The following XYLT1 variants were observed in gnomAD, a reference collection of about 807,000 sequenced individuals.
The protein encoded by XYLT1 is xylosyltransferase 1, also known as beta-D-xylosyltransferase 1.
Under a neutral mutation model 91.3 loss-of-function variants are expected in XYLT1, and 36 were observed. The observed-to-expected ratio is 0.39, with a 90% CI of 0.30 to 0.52. The LOEUF (loss-of-function observed/expected upper bound fraction) is 0.52. Ranked by LOEUF, XYLT1 falls within the 20% of genes least tolerant of loss-of-function variation. The pLI, the probability that XYLT1 is intolerant of heterozygous loss-of-function variation, is 0.68. For missense variants in XYLT1, 1,242 were observed against 1,284.5 expected (o/e 0.97, Z 0.51); for synonymous variants, 588 against 532.0 (o/e 1.11, Z -1.45).
At chr16:17,353,597 CTG>C (rs1253006848) in intron 2 of XYLT1, among the ~76,000 whole-genome samples, 2 of 152,206 alleles carry the variant, frequency 1.3e-5, no homozygotes, top group African/African-American at 4.8e-5. Flanking sequence ...CTCTGACAAA[CTG>C]TCAAAGATAA....
intron 2 of XYLT1, among the ~76,000 whole-genome samples, chr16:17,332,755 T>C (rs1307590528): frequency 6.6e-6 from 1 of 152,098 alleles, no homozygotes; most frequent in Non-Finnish European, 1.5e-5. Context: ...ACTCTGGCCT[T>C]CAGATAACTA....
rs1279570396 is a variant in XYLT1 at position 17,259,397 on chromosome 16, G to A, written c.504C>T (p.Phe168=). 8 of 1,614,154 alleles carry A rather than the reference G, an allele frequency of 5.0e-6. No homozygotes were observed. The highest frequency in any genetic ancestry group is 2.2e-5 in the East Asian group (1 of 44,882). Residue 168 remains phenylalanine (F), a synonymous_variant, in exon 3 of 12, where the codon TTC becomes TTT. Coordinates refer to ENST00000261381, the MANE Select transcript of XYLT1 (RefSeq NM_022166.4). ...GCTTCTGCTTTTGAGTCCTGGGTGC[G>A]AAGTTGCTGTTGTCGACATTCTCAA... ...KDFENVDNSN[F]APRTQKQKHQ... is the part of the protein sequence containing the mutation.
intron 4 of XYLT1, 99 bp from the exon 5 acceptor site, chr16:17,198,513 T>G: frequency 7.9e-7 from 1 of 1,261,074 alleles, no homozygotes; most frequent in Non-Finnish European, 1.1e-6. Context: ...CCCTCCTGGT[T>G]GGGCACTTCT....
At chr16:17,343,635 TTA>T (rs756545610) in intron 2 of XYLT1, among the ~76,000 whole-genome samples, 1 of 152,014 alleles carries the variant, frequency 6.6e-6, no homozygotes, top group South Asian at 2.1e-4. Flanking sequence ...TACACGCAGA[TTA>T]TGTTTTATTT....
chr16:17,115,761 C>T (rs1294729014), intron 11 of XYLT1, among the ~76,000 whole-genome samples: 7 of 116,196 alleles, frequency 6.0e-5, no homozygotes, highest in African/African-American at 2.3e-4. Context: ...GCTGGGATTA[C>T]ACGTGTAAAC....
intron 1 of XYLT1, among the ~76,000 whole-genome samples, chr16:17,386,896 T>G (rs1002773924): frequency 6.6e-6 from 1 of 152,194 alleles, no homozygotes; most frequent in African/African-American, 2.4e-5. Context: ...GACTCACCCA[T>G]GTCAAAAGAT....
At chr16:17,265,015 C>T (rs923794119) in intron 2 of XYLT1, among the ~76,000 whole-genome samples, 1 of 152,116 alleles carries the variant, frequency 6.6e-6, no homozygotes, top group East Asian at 1.9e-4. Flanking sequence ...TGTGAAACCC[C>T]GTCTCTACTA....
intron 2 of XYLT1, among the ~76,000 whole-genome samples, chr16:17,270,160 G>C (rs1474719094): frequency 1.3e-5 from 2 of 152,230 alleles, no homozygotes; most frequent in African/African-American, 4.8e-5. Context: ...AATCCAAGTT[G>C]AGTTCAGTTC....
chr16:17,272,806 A>T (rs1158991758), intron 2 of XYLT1, among the ~76,000 whole-genome samples: 2 of 152,210 alleles, frequency 1.3e-5, no homozygotes, highest in East Asian at 3.9e-4. Context: ...CACCAATGAC[A>T]CAGGCTCTTC....
chr16:17,317,126 G>A (rs2034647818), intron 2 of XYLT1, among the ~76,000 whole-genome samples: 2 of 151,492 alleles, frequency 1.3e-5, no homozygotes, highest in South Asian at 2.1e-4. Flanking sequence ...CCGGCCCCCA[G>A]GCAGATTTTA....
intron 1 of XYLT1, among the ~76,000 whole-genome samples, chr16:17,452,315 T>C (rs1302885699): frequency 6.9e-6 from 1 of 145,742 alleles, no homozygotes; most frequent in African/African-American, 2.7e-5. Flanking sequence ...CTTTTTTTTT[T>C]TTTTTTTGTT....
chr16:17,288,377 A>G (rs1286321417), intron 2 of XYLT1, among the ~76,000 whole-genome samples: 14 of 151,934 alleles, frequency 9.2e-5, no homozygotes, highest in Admixed American at 7.9e-4. Context: ...AGTTTCACTC[A>G]TGGCAAGAGT....
At chr16:17,149,312 C>T (rs1414040223) in intron 6 of XYLT1, among the ~76,000 whole-genome samples, 1 of 152,102 alleles carries the variant, frequency 6.6e-6, no homozygotes, top group African/African-American at 2.4e-5. Flanking sequence ...AATAACTCTG[C>T]TCTTCAAGTT....
chr16:17,469,704 C>A (rs534403102), intron 1 of XYLT1, among the ~76,000 whole-genome samples: 1 of 152,254 alleles, frequency 6.6e-6, no homozygotes, highest in African/African-American at 2.4e-5. Flanking sequence ...GTGACCTGAA[C>A]CGGCCGCAAC....
At chr16:17,184,978 G>T (rs2032152488) in intron 5 of XYLT1, among the ~76,000 whole-genome samples, 2 of 152,218 alleles carry the variant, frequency 1.3e-5, no homozygotes, top group South Asian at 2.1e-4. Context: ...TTCAATTCTT[G>T]TCTTCCACCA....
At chr16:17,185,064 G>A (rs1277247481) in intron 5 of XYLT1, among the ~76,000 whole-genome samples, 1 of 152,120 alleles carries the variant, frequency 6.6e-6, no homozygotes, top group African/African-American at 2.4e-5. Context: ...TGAGATCTCC[G>A]AGAACTCTAG....
intron 11 of XYLT1, among the ~76,000 whole-genome samples, chr16:17,110,046 A>G (rs1376144745): frequency 1.3e-5 from 2 of 152,170 alleles, no homozygotes; most frequent in East Asian, 3.9e-4. Context: ...ACTTCATACA[A>G]GAGCCCAGGT....
chr16:17,157,194 T>C (rs9921201), intron 6 of XYLT1, among the ~76,000 whole-genome samples: 139,198 of 152,212 alleles, frequency 0.91, 63,738 homozygotes, highest in East Asian at 0.97. Flanking sequence ...GTGATCCGCC[T>C]GCCTCACCCT....
intron 8 of XYLT1, chr16:17,137,496 T>C (rs2030782235): frequency 6.6e-6 from 1 of 152,318 alleles, no homozygotes; most frequent in African/African-American, 2.4e-5. Flanking sequence ...GGCACTCATA[T>C]TTGTGCTCTC....
Sources: gnomAD v4.1 joint callset for allele counts (sites outside exome capture counted in the v4.1 genomes callset) on GRCh38, gnomAD v4.1.1 for gene constraint, MANE v1.5 for transcripts, NCBI Gene and HGNC (gene_info 2026-07-23, HGNC 2026-07-21) for gene names.